LRRTM4: variants seen among roughly 807,000 people sequenced by gnomAD.
The protein encoded by LRRTM4 is leucine-rich repeat transmembrane neuronal protein 4.
In LRRTM4, 25 loss-of-function variants were observed where a neutral mutation model predicts 47.6. The ratio of observed to expected loss-of-function variants is 0.53; its 90% confidence interval spans 0.38 to 0.73. The LOEUF (loss-of-function observed/expected upper bound fraction) is 0.73, where lower values mean the gene tolerates loss of function less well. LRRTM4 is among the 30% of genes least tolerant of loss of function. The probability of loss-of-function intolerance (pLI) is 0.00; values close to 1 mark genes in which losing one functional copy is unlikely to be tolerated. For synonymous variants in LRRTM4, 311 were observed against 269.5 expected (o/e 1.15, Z -1.51); for missense variants, 638 against 713.4 (o/e 0.89, Z 1.20).
At chr2:77,097,940 A>G (rs1197302691) in intron 3 of LRRTM4, among the ~76,000 whole-genome samples, 1 of 152,034 alleles carries the variant, frequency 6.6e-6, no homozygotes, top group African/African-American at 2.4e-5. Context: ...ATTTATGATT[A>G]TATGAGAATA....
chr2:77,515,883 G>A (rs1008710608), intron 3 of LRRTM4, among the ~76,000 whole-genome samples: 1 of 151,772 alleles, frequency 6.6e-6, no homozygotes, highest in Non-Finnish European at 1.5e-5. Flanking sequence ...CAATTTCTAA[G>A]AGTTTGCTTT....
At chr2:76,984,803 G>A (rs894716844) in intron 3 of LRRTM4, among the ~76,000 whole-genome samples, 6 of 151,990 alleles carry the variant, frequency 3.9e-5, no homozygotes, top group African/African-American at 1.4e-4. Flanking sequence ...ATTTACTGCA[G>A]TTCAAAGCAT....
At chr2:77,091,319 T>G (rs1670631397) in intron 3 of LRRTM4, among the ~76,000 whole-genome samples, 1 of 143,794 alleles carries the variant, frequency 7.0e-6, no homozygotes, top group African/African-American at 2.8e-5. Context: ...CCCCTTACCA[T>G]CTCATTAAAA....
At chr2:76,782,547 G>A (rs1674460119) in intron 3 of LRRTM4, among the ~76,000 whole-genome samples, 2 of 152,192 alleles carry the variant, frequency 1.3e-5, no homozygotes, top group African/African-American at 2.4e-5. Context: ...ATAAATTGCT[G>A]TTGGTAATTT....
intron 3 of LRRTM4, among the ~76,000 whole-genome samples, chr2:77,147,712 G>T (rs1199821682): frequency 6.6e-6 from 1 of 152,112 alleles, no homozygotes; most frequent in Non-Finnish European, 1.5e-5. Context: ...CCCCTTGGAT[G>T]TAATTGAGAA....
chr2:76,843,905 T>C (rs1671761044), intron 3 of LRRTM4, among the ~76,000 whole-genome samples: 1 of 147,396 alleles, frequency 6.8e-6, no homozygotes, highest in Non-Finnish European at 1.5e-5. Flanking sequence ...TTCTTTCTTT[T>C]TTCATTTTTT....
chr2:76,944,946 TG>T (rs1675274571), intron 3 of LRRTM4, among the ~76,000 whole-genome samples: 1 of 152,070 alleles, frequency 6.6e-6, no homozygotes, highest in African/African-American at 2.4e-5. Context: ...AGAGCTTCCT[TG>T]GGAAGTTTTT....
chr2:77,366,099 C>A (rs2103757064), intron 3 of LRRTM4, among the ~76,000 whole-genome samples: 1 of 151,592 alleles, frequency 6.6e-6, no homozygotes, highest in African/African-American at 2.4e-5. Flanking sequence ...TATAATGAAT[C>A]TCCTAGTCAT....
intron 3 of LRRTM4, among the ~76,000 whole-genome samples, chr2:77,220,557 T>G (rs1280758501): frequency 6.6e-6 from 1 of 152,098 alleles, no homozygotes; most frequent in Non-Finnish European, 1.5e-5. Flanking sequence ...ACATGATGAA[T>G]GCACAAGCCT....
chr2:76,794,375 T>C (rs1400772388), intron 3 of LRRTM4, among the ~76,000 whole-genome samples: 1 of 152,202 alleles, frequency 6.6e-6, no homozygotes, highest in East Asian at 1.9e-4. Context: ...AAGGATTGGG[T>C]ATACCACTAC....
chr2:77,395,048 G>A (rs939869172), intron 3 of LRRTM4, among the ~76,000 whole-genome samples: 2 of 151,980 alleles, frequency 1.3e-5, no homozygotes, highest in African/African-American at 2.4e-5. Context: ...TTAAGTGTAA[G>A]GGTGTGTGAA....
intron 3 of LRRTM4, among the ~76,000 whole-genome samples, chr2:77,197,572 A>G (rs938623921): frequency 3.3e-5 from 5 of 152,300 alleles, no homozygotes; most frequent in Middle Eastern, 3.4e-3. Flanking sequence ...GAAAGAATTG[A>G]GGTCAATCTA....
chr2:77,018,083 G>GT (rs1317607130), intron 3 of LRRTM4, among the ~76,000 whole-genome samples: 1 of 151,784 alleles, frequency 6.6e-6, no homozygotes, highest in Non-Finnish European at 1.5e-5. Flanking sequence ...ATTGTTTAAT[G>GT]TAAGAAAGAA....
chr2:76,988,743 TC>T (rs1432546049), intron 3 of LRRTM4, among the ~76,000 whole-genome samples: 1 of 151,710 alleles, frequency 6.6e-6, no homozygotes, highest in Non-Finnish European at 1.5e-5. Flanking sequence ...TAACAGGTGG[TC>T]CTCCTCCACC....
chr2:76,888,743 T>C (rs1673157833), intron 3 of LRRTM4, among the ~76,000 whole-genome samples: 1 of 151,840 alleles, frequency 6.6e-6, no homozygotes, highest in Admixed American at 6.6e-5. Flanking sequence ...ATGTATTTTG[T>C]TCTGCACTTT....
chr2:77,139,906 C>G (rs74528866), intron 3 of LRRTM4, among the ~76,000 whole-genome samples: 1 of 152,076 alleles, frequency 6.6e-6, no homozygotes, highest in Non-Finnish European at 1.5e-5. Flanking sequence ...ACCTAGGAAT[C>G]CAACTTACAA....
intron 3 of LRRTM4, among the ~76,000 whole-genome samples, chr2:76,986,707 G>A (rs960859705): frequency 5.9e-5 from 9 of 151,892 alleles, no homozygotes; most frequent in African/African-American, 1.9e-4. Flanking sequence ...AACCTGAGCC[G>A]AGAGACAGAA....
At chr2:77,344,040 A>C (rs1198880182) in intron 3 of LRRTM4, among the ~76,000 whole-genome samples, 1 of 151,908 alleles carries the variant, frequency 6.6e-6, no homozygotes, top group Middle Eastern at 3.2e-3. Context: ...ATAGATCAAT[A>C]TTAAAAGCTG....
At chr2:77,164,543 G>T (rs924848516) in intron 3 of LRRTM4, among the ~76,000 whole-genome samples, 2 of 152,078 alleles carry the variant, frequency 1.3e-5, no homozygotes, top group African/African-American at 4.8e-5. Context: ...TTCCAAAATT[G>T]CCCACATAGT....
Sources: gnomAD v4.1 joint callset for allele counts (sites outside exome capture counted in the v4.1 genomes callset) on GRCh38, gnomAD v4.1.1 for gene constraint, MANE v1.5 for transcripts, NCBI Gene and HGNC (gene_info 2026-07-23, HGNC 2026-07-21) for gene names.